The following CTXN2 variants were observed in gnomAD, a reference collection of about 807,000 sequenced individuals.
CTXN2 encodes the protein cortexin 2, also known as cortexin-2.
In CTXN2, 3 loss-of-function variants were observed where a neutral mutation model predicts 5.7. That is an observed-to-expected ratio of 0.53 (90% CI 0.24 to 1.36). The LOEUF (loss-of-function observed/expected upper bound fraction) is 1.36. Ranked by LOEUF, CTXN2 falls within the 40% of genes most tolerant of loss-of-function variation. The pLI, the probability that CTXN2 is intolerant of heterozygous loss-of-function variation, is 0.17. For missense variants in CTXN2, 87 were observed against 93.0 expected, an observed-to-expected ratio of 0.94 and a Z score of 0.26; for synonymous variants, 38 against 36.4, an observed-to-expected ratio of 1.04 and a Z score of -0.16.
intron 1 of CTXN2, among the ~76,000 whole-genome samples, chr15:48,198,368 A>G (rs2040898669): frequency 6.6e-6 from 1 of 152,182 alleles, no homozygotes; most frequent in Admixed American, 6.6e-5. Context: ...TTATTCCTCA[A>G]AAAATATATT....
At chr15:48,194,419 C>A (rs1446882355) in intron 1 of CTXN2, among the ~76,000 whole-genome samples, 1 of 152,118 alleles carries the variant, frequency 6.6e-6, no homozygotes, top group East Asian at 1.9e-4. Flanking sequence ...CATTACCCCT[C>A]ACTCCTAAAT....
At position 48,201,664 on chromosome 15, in the gene CTXN2, C is replaced by T; in HGVS notation, c.*118C>T. 1 of 950,696 alleles carries T rather than the reference C, an allele frequency of 1.1e-6. No homozygotes were observed. Among genetic ancestry groups the T allele is most frequent in the Non-Finnish European group, 1.6e-6 (1 of 637,498 alleles). 58.9% of individuals were successfully genotyped at this position (950,696 alleles called of 1,614,324 possible). Reference sequence around the variant, plus strand: ...TTTGTTCAGTGAATTCAATAAACATCTGTGACTAATTTCTTCACCATGCTG... The same window carrying T: ...TTTGTTCAGTGAATTCAATAAACATTTGTGACTAATTTCTTCACCATGCTG... On this transcript the variant is annotated 3_prime_UTR_variant, in exon 2 of 2. Coordinates refer to ENST00000417307, the MANE Select transcript of CTXN2 (RefSeq NM_001145668.2).
At chr15:48,201,146 A>T in intron 1 of CTXN2, 98 bp from the exon 2 acceptor site, 1 of 671,848 alleles carries the variant, frequency 1.5e-6, no homozygotes, top group Non-Finnish European at 2.5e-6. Context: ...TTTGTGAGTT[A>T]AGTCAAGAAG....
upstream of CTXN2, among the ~76,000 whole-genome samples, chr15:48,187,509 G>A (rs1369244241): frequency 2.0e-5 from 3 of 152,118 alleles, no homozygotes; most frequent in Non-Finnish European, 4.4e-5. Flanking sequence ...CAAACAAGAC[G>A]TAGATTTTCC....
chr15:48,190,609 A>G (rs1445519521), upstream of CTXN2, among the ~76,000 whole-genome samples: 1 of 151,910 alleles, frequency 6.6e-6, no homozygotes, highest in Non-Finnish European at 1.5e-5. Flanking sequence ...TTTTCAAAGT[A>G]TTTTCTTTAG....
intron 1 of CTXN2, among the ~76,000 whole-genome samples, chr15:48,185,502 T>C (rs1197526639): frequency 6.6e-6 from 1 of 152,110 alleles, no homozygotes; most frequent in Non-Finnish European, 1.5e-5. Context: ...GGGAAAAAAT[T>C]ATGTTGGAGA....
intron 1 of CTXN2, among the ~76,000 whole-genome samples, chr15:48,181,623 G>A (rs2140967217): frequency 6.6e-6 from 1 of 152,110 alleles, no homozygotes; most frequent in East Asian, 1.9e-4. Context: ...AAAAGAAAAA[G>A]AAACTAGACA....
chr15:48,196,545 A>T (rs2040881525), intron 1 of CTXN2, among the ~76,000 whole-genome samples: 1 of 152,072 alleles, frequency 6.6e-6, no homozygotes, highest in Non-Finnish European at 1.5e-5. Flanking sequence ...TCTACATAAA[A>T]ACACTATTAT....
intron 1 of CTXN2, among the ~76,000 whole-genome samples, chr15:48,182,428 G>T (rs975705548): frequency 6.6e-6 from 1 of 152,068 alleles, no homozygotes; most frequent in Admixed American, 6.6e-5. Context: ...AAATTGTACC[G>T]TATTACAGCC....
At position 48,201,562 on chromosome 15, in the gene CTXN2, G is replaced by A. The variant is rs768416097; in HGVS notation, c.*16G>A. 3.2e-6 allele frequency: 5 copies of A among 1,549,350 alleles called. No homozygotes were observed. In the South Asian group the frequency reaches 6.0e-5, roughly 18 times the overall value. ...ACTCGCGTGAGAGTTCCAGCTATAT[G>A]GTTTTTATGGTTGTGCCATCGGGAC... On this transcript the variant is annotated 3_prime_UTR_variant, in exon 2 of 2. Transcript: ENST00000417307.
At chr15:48,179,928 CA>C (rs1447835521) in intron 1 of CTXN2, among the ~76,000 whole-genome samples, 1 of 152,068 alleles carries the variant, frequency 6.6e-6, no homozygotes, top group Non-Finnish European at 1.5e-5. Context: ...TATATTCTTG[CA>C]AAAATCCTTT....
At chr15:48,187,376 A>C (rs556648215), upstream of CTXN2, among the ~76,000 whole-genome samples, 1 of 152,110 alleles carries the variant, frequency 6.6e-6, no homozygotes, top group Admixed American at 6.5e-5. Flanking sequence ...TCTTTAATAC[A>C]TGTTTTAAAA....
chr15:48,195,069 T>C (rs2040863958), intron 1 of CTXN2, among the ~76,000 whole-genome samples: 1 of 152,200 alleles, frequency 6.6e-6, no homozygotes, highest in Non-Finnish European at 1.5e-5. Context: ...ATTGAGTGCC[T>C]ACTAAGTGCC....
chr15:48,192,363 G>C (rs764540482), intron 1 of CTXN2: 1 of 152,866 alleles, frequency 6.5e-6, no homozygotes, highest in Non-Finnish European at 1.5e-5. Flanking sequence ...AGGGTTTAGG[G>C]GTGGATTCTG....
At chr15:48,184,223 G>A (rs889007144) in intron 1 of CTXN2, among the ~76,000 whole-genome samples, 1 of 152,152 alleles carries the variant, frequency 6.6e-6, no homozygotes, top group Non-Finnish European at 1.5e-5. Context: ...GTTGCCTAAA[G>A]TGTCTTCGCA....
At chr15:48,196,592 T>C (rs550646080) in intron 1 of CTXN2, among the ~76,000 whole-genome samples, 3 of 152,086 alleles carry the variant, frequency 2.0e-5, no homozygotes, top group African/African-American at 7.2e-5. Flanking sequence ...AAAGATATCA[T>C]GGGAGACTGT....
In CTXN2 at chr15:48,191,705, G is replaced by C. The variant is rs1415780835; in HGVS notation, c.-206G>C. ...ACAGACATTTACACTTCTAGGCCAG[G>C]AAAGCGCTAACCAGGGCCCTGTGAC... is the stretch of plus-strand genomic sequence containing the variant. On this transcript the variant is annotated 5_prime_UTR_variant, in exon 1 of 2. Transcript: ENST00000417307. The C allele has an allele frequency of 2.2e-6, 1 of 455,882 alleles. No individual in the cohort carries two copies. The highest frequency in any genetic ancestry group is 2.0e-5 in the African/African-American group (1 of 50,060). 28.2% of individuals were successfully genotyped at this position (455,882 alleles called of 1,614,324 possible).
chr15:48,179,670 CCG>C (rs1272270031), intron 1 of CTXN2, among the ~76,000 whole-genome samples: 5 of 152,136 alleles, frequency 3.3e-5, no homozygotes, highest in African/African-American at 1.2e-4. Context: ...GATAGCAATA[CCG>C]ACCTTACAGG....
In CTXN2 at chr15:48,201,127, C is replaced by A; in HGVS notation, c.-57-117C>A. ...TCCAATCTGTATCTGATGATGCTTT[C>A]AAACATCTTTTGTGAGTTAAGTCAA... On this transcript the variant is annotated intron_variant, in intron 1 of 1. Transcript: ENST00000417307. The A allele has an allele frequency of 4.8e-6, 3 of 622,528 alleles. No homozygotes were observed. The South Asian group carries it at 6.2e-5, about 13-fold the overall frequency. 38.6% of individuals were successfully genotyped at this position (622,528 alleles called of 1,614,324 possible).
Sources: allele counts gnomAD v4.1 joint callset (sites outside exome capture counted in the v4.1 genomes callset), GRCh38; gene constraint gnomAD v4.1.1; transcripts MANE v1.5; gene names NCBI Gene and HGNC (gene_info 2026-07-23, HGNC 2026-07-21).